ATP2B2: variants seen among roughly 807,000 people sequenced by gnomAD.
ATP2B2 encodes ATPase plasma membrane Ca2+ transporting 2, also known as plasma membrane calcium-transporting ATPase 2.
ATP2B2 carries 15 observed loss-of-function variants against 120.0 expected under a neutral mutation model. The ratio of observed to expected loss-of-function variants is 0.12; its 90% CI spans 0.08 to 0.19. The LOEUF (loss-of-function observed/expected upper bound fraction) is 0.19, where lower values mean the gene tolerates loss of function less well. Among genes scored for constraint, ATP2B2 ranks in the 10% least tolerant of loss-of-function variants. The pLI is 1.00. For missense variants in ATP2B2, 1,045 were observed against 1,719.8 expected (o/e 0.61, Z 6.94); for synonymous variants, 694 against 700.3 (o/e 0.99, Z 0.14).
chr3:10,358,317 A>AT (rs1193197230), intron 14 of ATP2B2, among the ~76,000 whole-genome samples: 1 of 152,058 alleles, frequency 6.6e-6, no homozygotes, highest in Non-Finnish European at 1.5e-5. Flanking sequence ...ATGTTTGTGG[A>AT]TTTGTTACAG....
At chr3:10,596,963 G>A (rs1212696471) in intron 2 of ATP2B2, among the ~76,000 whole-genome samples, 1 of 152,064 alleles carries the variant, frequency 6.6e-6, no homozygotes, top group Non-Finnish European at 1.5e-5. Context: ...GAGTACGCGT[G>A]CACACACACA....
At chr3:10,484,098 C>G (rs1466958198) in intron 1 of ATP2B2, among the ~76,000 whole-genome samples, 1 of 152,196 alleles carries the variant, frequency 6.6e-6, no homozygotes, top group Non-Finnish European at 1.5e-5. Flanking sequence ...GCAGCATTGG[C>G]GGGGTGCTGT....
intron 2 of ATP2B2, among the ~76,000 whole-genome samples, chr3:10,417,617 C>T (rs1379388460): frequency 6.6e-6 from 1 of 152,142 alleles, no homozygotes; most frequent in African/African-American, 2.4e-5. Context: ...TAGTGCACAT[C>T]CAGTCATTCA....
chr3:10,520,628 C>T (rs1451426243), intron 3 of ATP2B2, among the ~76,000 whole-genome samples: 1 of 152,070 alleles, frequency 6.6e-6, no homozygotes, highest in Admixed American at 6.5e-5. Flanking sequence ...CACCACCACA[C>T]CCAGCTAATT....
intron 2 of ATP2B2, among the ~76,000 whole-genome samples, chr3:10,608,011 C>A (rs1160650239): frequency 6.6e-6 from 1 of 152,330 alleles, no homozygotes; most frequent in East Asian, 1.9e-4. Context: ...CCACCCAGGC[C>A]TCACTGTCCA....
At chr3:10,455,528 G>T (rs187144992) in intron 1 of ATP2B2, among the ~76,000 whole-genome samples, 1 of 152,354 alleles carries the variant, frequency 6.6e-6, no homozygotes, top group East Asian at 1.9e-4. Context: ...GCCAGCTCCT[G>T]GCCCAGAGCA....
intron 1 of ATP2B2, among the ~76,000 whole-genome samples, chr3:10,621,407 C>A (rs2069544769): frequency 6.6e-6 from 1 of 152,224 alleles, no homozygotes; most frequent in African/African-American, 2.4e-5. Flanking sequence ...AAAACACGAG[C>A]CCGACAAGAG....
intron 3 of ATP2B2, among the ~76,000 whole-genome samples, chr3:10,523,238 G>A (rs970934364): frequency 3.3e-5 from 5 of 152,196 alleles, no homozygotes; most frequent in Non-Finnish European, 5.9e-5. Context: ...TGGGAAGGTG[G>A]AGGTGCAGGC....
intron 1 of ATP2B2, among the ~76,000 whole-genome samples, chr3:10,474,953 T>C (rs983417887): frequency 6.6e-6 from 1 of 152,226 alleles, no homozygotes; most frequent in Non-Finnish European, 1.5e-5. Context: ...TGAACCCTCA[T>C]GCATTCAGTG....
chr3:10,336,194 G>A, intron 22 of ATP2B2: 1 of 1,550,676 alleles, frequency 6.4e-7, no homozygotes, highest in South Asian at 1.2e-5. Context: ...CACGCGACTA[G>A]GGCTAGAGAG....
At chr3:10,379,928 A>T (rs1256629491) in intron 8 of ATP2B2, among the ~76,000 whole-genome samples, 1 of 152,036 alleles carries the variant, frequency 6.6e-6, no homozygotes, top group Admixed American at 6.5e-5. Context: ...CCCAAGGATG[A>T]CCCCTTGCCC....
intron 2 of ATP2B2, among the ~76,000 whole-genome samples, chr3:10,601,683 G>T (rs1181230151): frequency 6.6e-6 from 1 of 152,216 alleles, no homozygotes; most frequent in East Asian, 1.9e-4. Context: ...GAGCCTGGCA[G>T]GGAAGGACCC....
chr3:10,340,774 T>C lies in ATP2B2; in HGVS notation c.2918-70A>G. The C allele has an allele frequency of 1.3e-6, 2 of 1,487,970 alleles. No individual in the cohort carries two copies. The highest frequency in any genetic ancestry group is 1.9e-6 in the Non-Finnish European group (2 of 1,068,650). The allele number at this position is 1,487,970 out of a possible 1,614,324, so 92.2% of individuals were successfully genotyped here. ...GAATCAGAGGGGAGATGCCTGGCCT[T>C]TCGTGGGGGCCTCTTCTGAGCAGTG... On this transcript the variant is annotated intron_variant, in intron 19 of 22. Transcript: ENST00000360273. This position sits in a 1 kb window ranked among gnomAD's most constrained non-coding sequence, Gnocchi z 5.0.
chr3:10,541,647 T>C (rs1397752076), intron 2 of ATP2B2, among the ~76,000 whole-genome samples: 4 of 152,212 alleles, frequency 2.6e-5, no homozygotes, highest in African/African-American at 9.6e-5. Context: ...TGATTTCAAT[T>C]CTTCTAATTT....
intron 2 of ATP2B2, among the ~76,000 whole-genome samples, chr3:10,588,682 A>C (rs2068572292): frequency 6.6e-6 from 1 of 152,104 alleles, no homozygotes; most frequent in Admixed American, 6.5e-5. Flanking sequence ...CCCACTCAGC[A>C]CTTCCTCTGG....
chr3:10,673,384 AG>A (rs2125694342), intron 1 of ATP2B2, among the ~76,000 whole-genome samples: 1 of 152,172 alleles, frequency 6.6e-6, no homozygotes, highest in South Asian at 2.1e-4. Context: ...CAATATGTAA[AG>A]AAAAAGGAAG....
intron 21 of ATP2B2, among the ~76,000 whole-genome samples, 166 bp from the exon 22 acceptor site, chr3:10,338,524 G>GCCTTTTTTTTTTTTTT (rs1444514191): frequency 8.4e-6 from 1 of 119,490 alleles, no homozygotes. Flanking sequence ...CTTTGACAAT[G>GCCTTTTTTTTTTTTTT]TCTTTTTTTT....
intron 11 of ATP2B2, among the ~76,000 whole-genome samples, chr3:10,373,215 G>A (rs558104071): frequency 6.6e-6 from 1 of 152,284 alleles, no homozygotes. Context: ...GAATTCTGTG[G>A]CACAGGAAAG....
At chr3:10,447,451 G>T (rs891414743) in intron 2 of ATP2B2, among the ~76,000 whole-genome samples, 2 of 147,838 alleles carry the variant, frequency 1.4e-5, no homozygotes, top group Non-Finnish European at 2.9e-5. Flanking sequence ...CCTGCTTTGA[G>T]GGGGTCTAGA....
Sources: gnomAD v4.1 joint callset for allele counts (sites outside exome capture counted in the v4.1 genomes callset) on GRCh38, gnomAD v4.1.1 for gene constraint, Gnocchi (gnomAD v3.1) non-coding constraint, MANE v1.5 for transcripts, NCBI Gene and HGNC (gene_info 2026-07-23, HGNC 2026-07-21) for gene names.